CAMSAP1: variants seen among roughly 807,000 people sequenced by gnomAD.
CAMSAP1 encodes the protein calmodulin regulated spectrin associated protein 1, also known as calmodulin-regulated spectrin-associated protein 1.
Under a neutral mutation model 143.5 loss-of-function variants are expected in CAMSAP1, and 58 were observed. That is an observed-to-expected ratio of 0.40 (90% CI 0.33 to 0.50). CAMSAP1 has a LOEUF of 0.50. CAMSAP1 is among the 20% of genes least tolerant of loss of function. The pLI is 0.45. For missense variants in CAMSAP1, 1,969 were observed against 2,115.7 expected (o/e 0.93, Z 1.36); for synonymous variants, 945 against 859.3 (o/e 1.10, Z -1.74).
At chr9:135,849,961 C>T in intron 7 of CAMSAP1, 176 bp downstream of exon 7, 1 of 507,350 alleles carries the variant, frequency 2.0e-6, no homozygotes, top group Non-Finnish European at 3.4e-6. Flanking sequence ...AATAGTTCAT[C>T]AAAATCACTT....
At chr9:135,881,877 C>T in intron 2 of CAMSAP1, 83 bp from the exon 3 acceptor site, 1 of 1,479,496 alleles carries the variant, frequency 6.8e-7, no homozygotes, top group Non-Finnish European at 9.2e-7. Context: ...TCATACTCAG[C>T]ATTCTGGCCT....
rs1835337207 is a variant in CAMSAP1 at position 135,818,858 on chromosome 9, T to A, written c.3959+152A>T. Among the ~76,000 whole-genome samples the A allele has an allele frequency of 6.6e-6, 1 of 151,694 alleles. No individual in the cohort carries two copies. Among genetic ancestry groups the A allele is most frequent in the South Asian group, 2.1e-4 (1 of 4,806 alleles). ...CCTCACTGAAGATCAGCAGGGGCCG[T>A]GAAAGTTCGGGGAGGTGGTCCATGG... On this transcript the variant is annotated intron_variant, in intron 12 of 16. Transcript: ENST00000389532. This position sits in a 1 kb window ranked among gnomAD's most constrained non-coding sequence, Gnocchi z 7.7.
chr9:135,837,172 C>G (rs1836092974), intron 7 of CAMSAP1, among the ~76,000 whole-genome samples: 1 of 151,526 alleles, frequency 6.6e-6, no homozygotes, highest in Non-Finnish European at 1.5e-5. Flanking sequence ...TCTACAGATA[C>G]ACATCATCAC....
At chr9:135,835,535 C>T (rs1835995793) in intron 7 of CAMSAP1, among the ~76,000 whole-genome samples, 1 of 152,192 alleles carries the variant, frequency 6.6e-6, no homozygotes, top group African/African-American at 2.4e-5. Flanking sequence ...CTTCACTAGG[C>T]ACAAAACGCA....
rs1837977220 is a variant in CAMSAP1 at position 135,882,082 on chromosome 9, T to C, written c.424-288A>G. On this transcript the variant is annotated intron_variant, in intron 2 of 16. Transcript: ENST00000389532. The surrounding 1 kb of genome is among the most constrained non-coding windows in gnomAD (Gnocchi z 4.9). ...CTGTCTCACACTGTCCTTTCTTATC[T>C]CCTCAACAGCCCTGTGGGACTCCCA... Among the ~76,000 whole-genome samples, 1 of 151,986 alleles carries C rather than the reference T, an allele frequency of 6.6e-6. No individual in the cohort carries two copies. Among genetic ancestry groups the C allele is most frequent in the South Asian group, 2.1e-4 (1 of 4,808 alleles).
chr9:135,825,578 G>A (rs1281277561), intron 8 of CAMSAP1, among the ~76,000 whole-genome samples: 3 of 152,340 alleles, frequency 2.0e-5, no homozygotes, highest in South Asian at 2.1e-4. Flanking sequence ...GAAGTCACAC[G>A]TGTGCGGATC....
intron 1 of CAMSAP1, among the ~76,000 whole-genome samples, chr9:135,899,774 C>T (rs1215889947): frequency 6.6e-6 from 1 of 152,098 alleles, no homozygotes; most frequent in Non-Finnish European, 1.5e-5. Context: ...GTTCCCTTAC[C>T]TCCATCTGAT....
chr9:135,840,154 G>C (rs1344924720), intron 7 of CAMSAP1, among the ~76,000 whole-genome samples: 2 of 152,200 alleles, frequency 1.3e-5, no homozygotes, highest in Non-Finnish European at 2.9e-5. Context: ...CTGCACCTGA[G>C]TGTTGGCCTC....
chr9:135,811,181 A>T lies in CAMSAP1; in HGVS notation c.*128T>A. On this transcript the variant is annotated 3_prime_UTR_variant, in exon 17 of 17. Coordinates refer to ENST00000389532, the MANE Select transcript of CAMSAP1 (RefSeq NM_015447.4). This position sits in a 1 kb window ranked among gnomAD's most constrained non-coding sequence, Gnocchi z 4.9. The stretch of plus-strand genomic sequence containing the variant: ...GAAACCTCTTTGCAAAAGGTCTGTG[A>T]CTTTGCACACTTCGTACCCAAATAG... 1 of 1,105,954 alleles carries T rather than the reference A, an allele frequency of 9.0e-7. No homozygotes were observed. Among genetic ancestry groups the T allele is most frequent in the Non-Finnish European group, 1.3e-6 (1 of 782,212 alleles). The allele number at this position is 1,105,954 out of a possible 1,614,324, so 68.5% of individuals were successfully genotyped here. A position where few individuals can be genotyped will look rare whatever the true frequency, so the allele number is the denominator to read the frequency against.
intron 7 of CAMSAP1, among the ~76,000 whole-genome samples, chr9:135,832,790 G>A (rs1037073215): frequency 1.5e-4 from 23 of 152,036 alleles, no homozygotes; most frequent in Non-Finnish European, 1.5e-4. Context: ...ATTTATAATA[G>A]CATCAAAAAG....
chr9:135,823,256 C>T lies in CAMSAP1; in HGVS notation c.1405G>A (p.Ala469Thr), dbSNP rs199979384. The T allele has an allele frequency of 1.9e-6, 3 of 1,545,606 alleles. No homozygotes were observed. Among genetic ancestry groups the T allele is most frequent in the Non-Finnish European group, 2.6e-6 (3 of 1,145,334 alleles). ...IAWPEKKTRP[A>T]SQPTPFALHH... Reference sequence around the variant, plus strand: ...AGAGCAAAAGGTGTTGGCTGGGACGCAGGCCTGAAACACAGGGAAGGCCCA... The same window carrying T: ...AGAGCAAAAGGTGTTGGCTGGGACGTAGGCCTGAAACACAGGGAAGGCCCA... Residue 469 changes from alanine to threonine, a missense_variant, in exon 11 of 17, where the codon GCG becomes ACG. Coordinates refer to ENST00000389532, the MANE Select transcript of CAMSAP1 (RefSeq NM_015447.4).
rs1357171420 is a variant in CAMSAP1, at chr9:135,850,340, A to G, written c.930T>C (p.Tyr310=). The G allele has an allele frequency of 2.5e-6, 4 of 1,610,122 alleles. No individual in the cohort carries two copies. Among genetic ancestry groups the G allele is most frequent in the Non-Finnish European group, 3.4e-6 (4 of 1,178,688 alleles). ...CFYLTLEDML[Y]APLVLKPNVM... ...TTATTACCTTCAACACTAATGGCGC[A>G]TACAGCATATCTTCCAAGGTGAGAT... is the stretch of plus-strand genomic sequence containing the variant. The change falls in exon 6 of 17, where the codon TAT becomes TAC. Residue 310 remains tyrosine (Y), a synonymous_variant. Transcript: ENST00000389532.
chr9:135,889,011 G>A (rs1476168768), intron 1 of CAMSAP1, among the ~76,000 whole-genome samples: 2 of 152,174 alleles, frequency 1.3e-5, no homozygotes, highest in African/African-American at 2.4e-5. Context: ...GGAGACCCTC[G>A]GGAACCCTCA....
chr9:135,882,784 G>A lies in CAMSAP1; in HGVS notation c.423+32C>T. On this transcript the variant is annotated intron_variant, in intron 2 of 16. Transcript: ENST00000389532. This position sits in a 1 kb window ranked among gnomAD's most constrained non-coding sequence, Gnocchi z 4.9. ...CGAGAGCCCACGGCTCCAGAGGATG[G>A]CCCCTGGGGGCGGCCACCGCAGACC... 6.5e-7 allele frequency: 1 copy of A among 1,536,254 alleles called. No homozygotes were observed. The highest frequency in any genetic ancestry group is 8.8e-7 in the Non-Finnish European group (1 of 1,139,996).
At chr9:135,899,419 A>T (rs1008446395) in intron 1 of CAMSAP1, among the ~76,000 whole-genome samples, 1 of 139,234 alleles carries the variant, frequency 7.2e-6, no homozygotes, top group Non-Finnish European at 1.6e-5. Context: ...GTCTCTATTA[A>T]AAAAAAAAAA....
At position 135,810,127 on chromosome 9, in the gene CAMSAP1, G is replaced by C. The variant is rs896830337; in HGVS notation, c.*1182C>G. On this transcript the variant is annotated 3_prime_UTR_variant, in exon 17 of 17. Transcript: ENST00000389532. ...ATGGCTGGCACGCACCTGCTCCTGG[G>C]AATGTCCGCGCTCCACAGAAGCATC... 1 of 152,558 alleles carries C rather than the reference G, an allele frequency of 6.6e-6. No homozygotes were observed. 9.5% of individuals were successfully genotyped at this position (152,558 alleles called of 1,614,324 possible). A position where few individuals can be genotyped will look rare whatever the true frequency, so the allele number is the denominator to read the frequency against.
intron 5 of CAMSAP1, among the ~76,000 whole-genome samples, chr9:135,858,478 A>C (rs1027249038): frequency 6.6e-6 from 1 of 152,188 alleles, no homozygotes; most frequent in Non-Finnish European, 1.5e-5. Context: ...AGCAAGTCCC[A>C]CTACTCTTTC....
At chr9:135,863,560 T>A (rs1046922192) in intron 4 of CAMSAP1, among the ~76,000 whole-genome samples, 3 of 152,180 alleles carry the variant, frequency 2.0e-5, no homozygotes, top group Non-Finnish European at 4.4e-5. Context: ...CTGAATCAAC[T>A]TGAGGAGAAA....
chr9:135,900,223 T>C (rs972847045), intron 1 of CAMSAP1, among the ~76,000 whole-genome samples: 2 of 152,032 alleles, frequency 1.3e-5, no homozygotes, highest in African/African-American at 4.8e-5. Flanking sequence ...ACAGTCTCAC[T>C]CTGTTGCCCA....
Sources: gnomAD v4.1 joint callset for allele counts (sites outside exome capture counted in the v4.1 genomes callset) on GRCh38, gnomAD v4.1.1 for gene constraint, Gnocchi (gnomAD v3.1) non-coding constraint, MANE v1.5 for transcripts, NCBI Gene and HGNC (gene_info 2026-07-23, HGNC 2026-07-21) for gene names.